HHLA2: variants seen among roughly 807,000 people sequenced by gnomAD.
HHLA2 encodes the protein HHLA2 member of B7 family.
Under a neutral mutation model 45.9 loss-of-function variants are expected in HHLA2, and 48 were observed. That is an observed-to-expected ratio of 1.05 (90% confidence interval 0.83 to 1.33). The LOEUF (loss-of-function observed/expected upper bound fraction) is 1.33, where lower values mean the gene tolerates loss of function less well. HHLA2 is among the 40% of genes most tolerant of loss of function. The probability of loss-of-function intolerance (pLI) is 0.00; values close to 1 mark genes in which losing one functional copy is unlikely to be tolerated. For synonymous variants in HHLA2, 161 were observed against 173.9 expected (o/e 0.93, Z 0.59); for missense variants, 462 against 494.3 (o/e 0.93, Z 0.62).
chr3:108,355,209 G>A (rs1202657070), exon 6 of HHLA2: 10 of 1,613,670 alleles, frequency 6.2e-6, no homozygotes, highest in African/African-American at 2.7e-5. Flanking sequence ...CAATTATCAC[G>A]TGGAAAATGG....
intron 8 of HHLA2, among the ~76,000 whole-genome samples, chr3:108,373,593 CAAAATCTCCTTAAGCTGA>C (rs914092880): frequency 6.6e-6 from 1 of 152,094 alleles, no homozygotes; most frequent in African/African-American, 2.4e-5. Context: ...CGTCTCAGCC[CAAAATCTCCTTAAGCTGA>C]TAGGCAACTT....
chr3:108,355,530 T>A, intron 6 of HHLA2, 149 bp downstream of exon 5: 1 of 800,892 alleles, frequency 1.2e-6, no homozygotes, highest in Non-Finnish European at 2.0e-6. Flanking sequence ...GCCCTAGGGC[T>A]GGTTCTTCTG....
chr3:108,314,130 T>C (rs936012869), intron 2 of HHLA2, among the ~76,000 whole-genome samples: 1 of 152,192 alleles, frequency 6.6e-6, no homozygotes, highest in Non-Finnish European at 1.5e-5. Context: ...CAGATTGATT[T>C]TTTTTTATCT....
intron 3 of HHLA2, among the ~76,000 whole-genome samples, chr3:108,332,679 T>C (rs2081406861): frequency 6.6e-6 from 1 of 152,114 alleles, no homozygotes; most frequent in South Asian, 2.1e-4. Flanking sequence ...TAATAGAATA[T>C]CTAGATTCAA....
intron 1 of HHLA2, 83 bp downstream of exon 1, chr3:108,296,682 C>T (rs532262143): frequency 4.6e-5 from 7 of 152,280 alleles, no homozygotes; most frequent in African/African-American, 1.4e-4. Context: ...TTTTAGTTGA[C>T]ACTTTATTTT....
intron 3 of HHLA2, among the ~76,000 whole-genome samples, chr3:108,348,005 A>G (rs1314210948): frequency 6.6e-6 from 1 of 152,090 alleles, no homozygotes; most frequent in Non-Finnish European, 1.5e-5. Flanking sequence ...TAACTTAGGG[A>G]ATCTAAATGA....
rs116077834 is a variant in HHLA2, at chr3:108,304,820, G to C, written c.-191-5835G>C. 9.9e-3 allele frequency among the ~76,000 whole-genome samples: 1,513 copies of C among 152,216 alleles called. 18 individuals carry two copies. The highest frequency in any genetic ancestry group is 0.034 in the African/African-American group (1,422 of 41,538). On this transcript the variant is annotated intron_variant, in intron 1 of 10. Transcript: ENST00000619531. ...CCATGTTGCTAGTCTTGGGGGTACA[G>C]CATCATTCTTGTTAGTTTCACTTAA...
chr3:108,355,058 G>T, intron 5 of HHLA2, 57 bp from the exon 5 acceptor site: 1 of 1,528,676 alleles, frequency 6.5e-7, no homozygotes, highest in East Asian at 2.3e-5. Flanking sequence ...TGCACAGACG[G>T]CCTATAAAGA....
intron 1 of HHLA2, among the ~76,000 whole-genome samples, chr3:108,301,978 T>A (rs1386434462): frequency 6.6e-6 from 1 of 152,140 alleles, no homozygotes; most frequent in Non-Finnish European, 1.5e-5. Flanking sequence ...GCTGAGGTAG[T>A]GGGTTGATAT....
chr3:108,376,713 A>G (rs951073213), intron 10 of HHLA2, 156 bp downstream of exon 9: 9 of 563,464 alleles, frequency 1.6e-5, no homozygotes, highest in African/African-American at 1.3e-4. Context: ...CACGAAAAAT[A>G]TAATTAGGCT....
intron 8 of HHLA2, among the ~76,000 whole-genome samples, chr3:108,362,915 C>T (rs961821495): frequency 3.3e-5 from 5 of 152,106 alleles, no homozygotes; most frequent in African/African-American, 1.2e-4. Flanking sequence ...CTTACCCTCA[C>T]ACCTCAGAAG....
intron 1 of HHLA2, among the ~76,000 whole-genome samples, chr3:108,302,272 G>A (rs991188538): frequency 6.6e-6 from 1 of 152,124 alleles, no homozygotes; most frequent in African/African-American, 2.4e-5. Context: ...TAACAGGTCT[G>A]AAATAGCATG....
At chr3:108,358,530 C>G (rs1180609406) in intron 7 of HHLA2, among the ~76,000 whole-genome samples, 3 of 152,160 alleles carry the variant, frequency 2.0e-5, no homozygotes, top group Non-Finnish European at 2.9e-5. Context: ...TAGGAAGTTA[C>G]AATCGGGGTC....
At chr3:108,356,547 A>G (rs2081897197) in intron 6 of HHLA2, among the ~76,000 whole-genome samples, 1 of 152,232 alleles carries the variant, frequency 6.6e-6, no homozygotes, top group Admixed American at 6.5e-5. Flanking sequence ...TCCATCAGTC[A>G]GGCAGCAATG....
rs753761499 is a variant in HHLA2 at position 108,355,165 on chromosome 3, T to C, written c.469T>C (p.Leu157=). 19 of 1,613,536 alleles carry C rather than the reference T, an allele frequency of 1.2e-5. No individual in the cohort carries two copies. The East Asian group carries it at 3.8e-4, about 32-fold the overall frequency. The change falls in exon 6 of 11, where the codon TTA becomes CTA. Residue 157 remains leucine (L), a synonymous_variant. Transcript: ENST00000619531. Reference sequence around the variant, plus strand: ...TGAAAAGAGGAACACAAACAGCTTCTTAATATGCAGCGTGTTAAGTGTTTA... The same window carrying C: ...TGAAAAGAGGAACACAAACAGCTTCCTAATATGCAGCGTGTTAAGTGTTTA...
At chr3:108,297,413 A>C (rs1361687363) in intron 1 of HHLA2, among the ~76,000 whole-genome samples, 1 of 152,152 alleles carries the variant, frequency 6.6e-6, no homozygotes, top group Non-Finnish European at 1.5e-5. Context: ...AGTGGTCAAG[A>C]TCATAGTCTC....
intron 2 of HHLA2, among the ~76,000 whole-genome samples, chr3:108,318,509 A>G (rs1042671698): frequency 6.6e-6 from 1 of 152,254 alleles, no homozygotes; most frequent in African/African-American, 2.4e-5. Flanking sequence ...AACTATGCTG[A>G]AAACAATGCC....
In HHLA2 at chr3:108,356,029, C is replaced by CTTTT. The variant is rs3053487; in HGVS notation, c.685+663_685+666dup. On this transcript the variant is annotated intron_variant, in intron 6 of 10. Transcript: ENST00000619531. ...TCCAAGTCCAAGAAAATTTGTTTTCCTTTTTTTTTTTTTTTTTTGAGATGG... is the reference window on the plus strand; with the variant it reads ...TCCAAGTCCAAGAAAATTTGTTTTCCTTTTTTTTTTTTTTTTTTTTTTGAGATGG... 9.8e-3 allele frequency among the ~76,000 whole-genome samples: 1,163 copies of CTTTT among 118,180 alleles called. 26 individuals are homozygous for CTTTT. The highest frequency in any genetic ancestry group is 0.016 in the Middle Eastern group (3 of 186). The allele number at this position is 118,180 out of a possible 152,430, so 77.5% of individuals were successfully genotyped here.
chr3:108,309,490 T>C (rs2080982803), intron 1 of HHLA2, among the ~76,000 whole-genome samples: 1 of 152,136 alleles, frequency 6.6e-6, no homozygotes, highest in Admixed American at 6.6e-5. Context: ...CTGGTAGCAG[T>C]TAGGTCTTCT....
Sources: gnomAD v4.1 joint callset for allele counts (sites outside exome capture counted in the v4.1 genomes callset) on GRCh38, gnomAD v4.1.1 for gene constraint, MANE v1.5 for transcripts, NCBI Gene and HGNC (gene_info 2026-07-23, HGNC 2026-07-21) for gene names.